CDYL2: variants seen among roughly 807,000 people sequenced by gnomAD.
CDYL2 encodes the protein chromodomain Y-like protein 2.
A neutral mutation model predicts 49.4 loss-of-function variants in CDYL2; 23 were observed. That is an observed-to-expected ratio of 0.47 (90% confidence interval 0.34 to 0.66). CDYL2 has a LOEUF of 0.66. Among genes scored for constraint, CDYL2 ranks in the 30% least tolerant of loss-of-function variants. CDYL2 has a pLI of 0.01. For missense variants in CDYL2, 678 were observed against 656.4 expected (o/e 1.03, Z -0.36); for synonymous variants, 360 against 268.8 (o/e 1.34, Z -3.32).
chr16:80,765,728 C>CAAAAA (rs35740729), intron 1 of CDYL2, among the ~76,000 whole-genome samples: 4 of 55,178 alleles, frequency 7.2e-5, no homozygotes, highest in Admixed American at 2.4e-4. Flanking sequence ...GTATTAATCG[C>CAAAAA]AAAAAAAAAA....
intron 2 of CDYL2, among the ~76,000 whole-genome samples, chr16:80,644,771 G>A (rs1352097542): frequency 1.3e-5 from 2 of 152,028 alleles, no homozygotes; most frequent in Non-Finnish European, 2.9e-5. Context: ...AAACAGCATG[G>A]TACTGGTACC....
intron 4 of CDYL2, among the ~76,000 whole-genome samples, chr16:80,619,370 G>A (rs1303405638): frequency 7.2e-5 from 11 of 152,210 alleles, no homozygotes; most frequent in African/African-American, 7.2e-5. Flanking sequence ...GCATGCTAAT[G>A]AGCTGCTCGT....
At chr16:80,765,876 C>CGA (rs1906706083) in intron 1 of CDYL2, among the ~76,000 whole-genome samples, 1 of 47,174 alleles carries the variant, frequency 2.1e-5, no homozygotes, top group Admixed American at 2.6e-4. Flanking sequence ...CCCTCATCTA[C>CGA]AAAAAAAAAA....
chr16:80,780,394 T>C (rs1331208201), intron 1 of CDYL2, among the ~76,000 whole-genome samples: 1 of 145,962 alleles, frequency 6.9e-6, no homozygotes. Context: ...AGATGCACAA[T>C]ATCTTTTTTT....
chr16:80,721,286 A>G (rs1904989958), intron 1 of CDYL2, among the ~76,000 whole-genome samples: 1 of 152,284 alleles, frequency 6.6e-6, no homozygotes, highest in Admixed American at 6.5e-5. Flanking sequence ...TGAGGTGGTG[A>G]CTCATTCCCA....
rs80110198 is a variant in CDYL2 at position 80,778,102 on chromosome 16, A to G, written c.24+26048T>C. Among the ~76,000 whole-genome samples, 627 of 152,190 alleles carry G rather than the reference A, an allele frequency of 4.1e-3. 6 individuals carry two copies. Among genetic ancestry groups the G allele is most frequent in the African/African-American group, 0.014 (585 of 41,568 alleles). On this transcript the variant is annotated intron_variant, in intron 1 of 6. Coordinates refer to ENST00000570137, the MANE Select transcript of CDYL2 (RefSeq NM_152342.4). ...TAAGTATCAAAAATGAATGTAATAA[A>G]ATGGAATATCCATTCTTTGTCAAGA... is the stretch of plus-strand genomic sequence containing the variant.
intron 1 of CDYL2, among the ~76,000 whole-genome samples, chr16:80,725,632 T>C (rs79928915): frequency 0.02 from 3,015 of 152,330 alleles, 25 homozygotes; most frequent in African/African-American, 0.029. Context: ...TGGCCTAAGC[T>C]ACATGCAGAA....
intron 5 of CDYL2, among the ~76,000 whole-genome samples, chr16:80,610,151 T>G (rs1181455190): frequency 3.9e-5 from 6 of 152,168 alleles, no homozygotes; most frequent in African/African-American, 1.2e-4. Context: ...GGGACAATGC[T>G]TATCAGCCTC....
chr16:80,656,072 T>C (rs954587855), intron 2 of CDYL2, among the ~76,000 whole-genome samples: 2 of 152,166 alleles, frequency 1.3e-5, no homozygotes, highest in African/African-American at 4.8e-5. Flanking sequence ...TCCCACAAAA[T>C]ATGAGAAATG....
At chr16:80,609,889 C>A (rs1049343220) in intron 5 of CDYL2, among the ~76,000 whole-genome samples, 1 of 152,030 alleles carries the variant, frequency 6.6e-6, no homozygotes, top group Admixed American at 6.5e-5. Context: ...GCTAAGAAAA[C>A]GAACATAAAC....
intron 1 of CDYL2, among the ~76,000 whole-genome samples, chr16:80,722,257 C>T (rs1040931902): frequency 1.2e-4 from 19 of 152,020 alleles, no homozygotes; most frequent in Admixed American, 1.2e-3. Context: ...AATGTCCACC[C>T]CCCAGATTAC....
chr16:80,662,724 T>A (rs1432443939), intron 2 of CDYL2: 3 of 455,764 alleles, frequency 6.6e-6, no homozygotes. Context: ...TAATTTTAAC[T>A]AATTGAAATA....
intron 1 of CDYL2, among the ~76,000 whole-genome samples, chr16:80,802,159 G>A (rs546967700): frequency 9.9e-5 from 15 of 152,136 alleles, no homozygotes; most frequent in Non-Finnish European, 1.6e-4. Flanking sequence ...GAGGGCAGTT[G>A]CAGATGAACA....
chr16:80,700,667 A>G (rs1904295638), intron 1 of CDYL2, among the ~76,000 whole-genome samples: 1 of 152,242 alleles, frequency 6.6e-6, no homozygotes, highest in Non-Finnish European at 1.5e-5. Flanking sequence ...GGATGTGGGC[A>G]TACGAATAGC....
At chr16:80,761,456 C>T (rs551001372) in intron 1 of CDYL2, among the ~76,000 whole-genome samples, 3 of 152,154 alleles carry the variant, frequency 2.0e-5, no homozygotes, top group Non-Finnish European at 2.9e-5. Flanking sequence ...AAAAGTGCCC[C>T]AAGAGTGGTG....
At chr16:80,673,282 T>C (rs1335099869) in intron 2 of CDYL2, among the ~76,000 whole-genome samples, 1 of 152,058 alleles carries the variant, frequency 6.6e-6, no homozygotes, top group African/African-American at 2.4e-5. Flanking sequence ...ATCATGCCAT[T>C]GCACTCCAGC....
At chr16:80,734,428 T>G (rs1052334170) in intron 1 of CDYL2, among the ~76,000 whole-genome samples, 2 of 152,126 alleles carry the variant, frequency 1.3e-5, no homozygotes, top group East Asian at 3.9e-4. Context: ...ACAACAACAC[T>G]AAAGACTAAT....
chr16:80,708,315 G>A (rs1904474193), intron 1 of CDYL2, among the ~76,000 whole-genome samples: 1 of 152,190 alleles, frequency 6.6e-6, no homozygotes, highest in South Asian at 2.1e-4. Context: ...TCTTGTGACA[G>A]TGAATAAGTC....
chr16:80,652,647 G>A (rs961165820), intron 2 of CDYL2, among the ~76,000 whole-genome samples: 11 of 152,162 alleles, frequency 7.2e-5, no homozygotes, highest in African/African-American at 2.4e-4. Flanking sequence ...AACCTGACAC[G>A]CATACCTCAG....
Sources: gnomAD v4.1 joint callset for allele counts (sites outside exome capture counted in the v4.1 genomes callset) on GRCh38, gnomAD v4.1.1 for gene constraint, MANE v1.5 for transcripts, NCBI Gene and HGNC (gene_info 2026-07-23, HGNC 2026-07-21) for gene names.